Variants in POLDIP3 observed in about 807,000 individuals in gnomAD.
POLDIP3 encodes DNA polymerase delta interacting protein 3, also known as polymerase delta-interacting protein 3.
Under a neutral mutation model 45.1 loss-of-function variants are expected in POLDIP3, and 14 were observed. That is an observed-to-expected ratio of 0.31 (90% CI 0.20 to 0.49). The LOEUF (loss-of-function observed/expected upper bound fraction) is 0.49. Ranked by LOEUF, POLDIP3 falls within the 20% of genes least tolerant of loss-of-function variation. POLDIP3 has a pLI of 0.99. For synonymous variants in POLDIP3, 223 were observed against 205.2 expected (o/e 1.09, Z -0.74); for missense variants, 511 against 538.8 (o/e 0.95, Z 0.51).
At chr22:42,593,841 T>C (rs1211452826) in intron 6 of POLDIP3, among the ~76,000 whole-genome samples, 3 of 152,156 alleles carry the variant, frequency 2.0e-5, no homozygotes, top group Non-Finnish European at 4.4e-5. Context: ...TCTTAATGAC[T>C]TGTCAAGTAT....
chr22:42,602,665 C>T, intron 2 of POLDIP3, 105 bp downstream of exon 2: 5 of 1,318,204 alleles, frequency 3.8e-6, no homozygotes, highest in Non-Finnish European at 5.2e-6. Flanking sequence ...ATTATGCCAA[C>T]ACTTGAGAGG....
At chr22:42,601,472 T>C (rs988308216) in intron 3 of POLDIP3, among the ~76,000 whole-genome samples, 1 of 151,388 alleles carries the variant, frequency 6.6e-6, no homozygotes, top group Admixed American at 6.6e-5. Context: ...TATTAAGAAG[T>C]TTCTTCTTGG....
In POLDIP3 at chr22:42,584,703, C is replaced by G. The variant is rs1925183321; in HGVS notation, c.*1088G>C. 1 of 359,476 alleles carries G rather than the reference C, an allele frequency of 2.8e-6. No individual in the cohort carries two copies. The highest frequency in any genetic ancestry group is 5.5e-6 in the Non-Finnish European group (1 of 183,192). The allele number at this position is 359,476 out of a possible 1,614,324, so 22.3% of individuals were successfully genotyped here. ...AGCTGCCCTGCTCCCTTGACTCCTCCTCCTCTGCCAAGGCAGGAAAATAAT... is the reference window on the plus strand; with the variant it reads ...AGCTGCCCTGCTCCCTTGACTCCTCGTCCTCTGCCAAGGCAGGAAAATAAT... On this transcript the variant is annotated 3_prime_UTR_variant, in exon 9 of 9. Transcript: ENST00000252115.
At chr22:42,591,239 T>C (rs908933877) in intron 7 of POLDIP3, among the ~76,000 whole-genome samples, 1 of 152,046 alleles carries the variant, frequency 6.6e-6, no homozygotes, top group Non-Finnish European at 1.5e-5. Context: ...AAATGGCCAA[T>C]AAGCACATGA....
At chr22:42,591,021 C>G (rs1457845282) in intron 7 of POLDIP3, among the ~76,000 whole-genome samples, 2 of 151,142 alleles carry the variant, frequency 1.3e-5, no homozygotes, top group Non-Finnish European at 2.9e-5. Context: ...TTGCAGTGAG[C>G]TGAGATCACG....
intron 1 of POLDIP3, among the ~76,000 whole-genome samples, chr22:42,611,949 A>G (rs1927144847): frequency 1.3e-5 from 2 of 152,218 alleles, no homozygotes; most frequent in African/African-American, 2.4e-5. Flanking sequence ...ATTTGTTCAG[A>G]TCTTTCACAT....
chr22:42,612,011 G>T (rs555019290), intron 1 of POLDIP3, among the ~76,000 whole-genome samples: 1 of 152,322 alleles, frequency 6.6e-6, no homozygotes, highest in South Asian at 2.1e-4. Flanking sequence ...CTGTGCAGGT[G>T]AGATAAAAAC....
chr22:42,614,785 G>T lies in POLDIP3; in HGVS notation c.59+14C>A. On this transcript the variant is annotated intron_variant, in intron 1 of 8. Transcript: ENST00000252115. The stretch of plus-strand genomic sequence containing the variant: ...CGAGGACCCTAAACCCCGAAGAAAG[G>T]AAAGGCCTCTCACCGTCCTTTCGCC... 4.3e-6 allele frequency: 7 copies of T among 1,613,968 alleles called. No homozygotes were observed. Among genetic ancestry groups the T allele is most frequent in the Non-Finnish European group, 5.9e-6 (7 of 1,179,832 alleles).
chr22:42,599,343 CCTGTAATCCCAG>C, intron 4 of POLDIP3, among the ~76,000 whole-genome samples: 1 of 152,272 alleles, frequency 6.6e-6, no homozygotes, highest in Non-Finnish European at 1.5e-5. Context: ...GTGGCTTACG[CCTGTAATCCCAG>C]CACCTTGGGA....
At chr22:42,608,797 C>T (rs914606913) in intron 1 of POLDIP3, among the ~76,000 whole-genome samples, 4 of 152,024 alleles carry the variant, frequency 2.6e-5, no homozygotes, top group East Asian at 1.9e-4. Flanking sequence ...TGGGAGTTAA[C>T]GGTAGTTGAG....
At chr22:42,602,367 T>C (rs146794213) in intron 2 of POLDIP3, among the ~76,000 whole-genome samples, 1 of 152,212 alleles carries the variant, frequency 6.6e-6, no homozygotes, top group East Asian at 1.9e-4. Context: ...TGGTGGCAGC[T>C]GTGAAGGGTG....
At chr22:42,614,253 G>A (rs1291241176) in intron 1 of POLDIP3, among the ~76,000 whole-genome samples, 1 of 152,226 alleles carries the variant, frequency 6.6e-6, no homozygotes, top group African/African-American at 2.4e-5. Flanking sequence ...GATTAAATGA[G>A]GCATCGTGTA....
intron 6 of POLDIP3, among the ~76,000 whole-genome samples, chr22:42,593,869 A>T (rs1309170677): frequency 6.6e-6 from 1 of 152,208 alleles, no homozygotes; most frequent in Non-Finnish European, 1.5e-5. Flanking sequence ...AATAGGCTAC[A>T]ATTTCCATCC....
rs1925263755 is a variant in POLDIP3, at chr22:42,585,732, C to T, written c.*59G>A. On this transcript the variant is annotated 3_prime_UTR_variant, in exon 9 of 9. Transcript: ENST00000252115. ...GATGGCCCATTGGTCATAAGCTTTG[C>T]CTTGGGGAAACAGAGCCACCCTCCT... The T allele has an allele frequency of 2.6e-6, 4 of 1,554,574 alleles. No homozygotes were observed. Among genetic ancestry groups the T allele is most frequent in the Admixed American group, 1.8e-5 (1 of 54,446 alleles).
chr22:42,588,226 C>T (rs1012357994), intron 7 of POLDIP3, among the ~76,000 whole-genome samples: 1 of 152,032 alleles, frequency 6.6e-6, no homozygotes, highest in African/African-American at 2.4e-5. Flanking sequence ...GAGGCTGAGG[C>T]GGGTGGATCA....
intron 1 of POLDIP3, among the ~76,000 whole-genome samples, chr22:42,612,717 T>C (rs1055636409): frequency 2.6e-5 from 4 of 152,030 alleles, no homozygotes; most frequent in Non-Finnish European, 5.9e-5. Flanking sequence ...TCCCAGCTAC[T>C]TGGGAGGCTG....
intron 6 of POLDIP3, among the ~76,000 whole-genome samples, chr22:42,593,372 G>A (rs1473113146): frequency 6.6e-6 from 1 of 152,176 alleles, no homozygotes; most frequent in African/African-American, 2.4e-5. Flanking sequence ...AAGCGAGGGT[G>A]ATTATTACTA....
In POLDIP3 at chr22:42,585,755, C is replaced by T. The variant is rs768679474; in HGVS notation, c.*36G>A. ...TGCCTTGGGGAAACAGAGCCACCCT[C>T]CTCTGCCCCCACTTCTGGCTGCCTC... On this transcript the variant is annotated 3_prime_UTR_variant, in exon 9 of 9. Transcript: ENST00000252115. The T allele has an allele frequency of 1.9e-6, 3 of 1,594,742 alleles. No homozygotes were observed. The South Asian group carries it at 3.4e-5, about 18-fold the overall frequency.
chr22:42,606,577 C>T (rs1212600813), intron 1 of POLDIP3, among the ~76,000 whole-genome samples: 1 of 152,174 alleles, frequency 6.6e-6, no homozygotes. Context: ...GAGCCAGGAT[C>T]GAGATACTGT....
Sources: allele counts gnomAD v4.1 joint callset (sites outside exome capture counted in the v4.1 genomes callset), GRCh38; gene constraint gnomAD v4.1.1; transcripts MANE v1.5; gene names NCBI Gene and HGNC (gene_info 2026-07-23, HGNC 2026-07-21).